The following BANK1 variants were observed in gnomAD, a reference collection of about 807,000 sequenced individuals.
BANK1 encodes the protein B-cell scaffold protein with ankyrin repeats.
In BANK1, 95 loss-of-function variants were observed where a neutral mutation model predicts 94.5. The ratio of observed to expected loss-of-function variants is 1.00; its 90% CI spans 0.85 to 1.19. The LOEUF (loss-of-function observed/expected upper bound fraction) is 1.19. Ranked by LOEUF, BANK1 falls within the 50% of genes most tolerant of loss-of-function variation. The pLI is 0.00. For synonymous variants in BANK1, 334 were observed against 308.4 expected (o/e 1.08, Z -0.87); for missense variants, 987 against 932.2 (o/e 1.06, Z -0.77).
rs13107839 is a variant in BANK1, at chr4:101,957,837, T to C, written c.1206+39648T>C. Among the ~76,000 whole-genome samples the C allele has an allele frequency of 6.4e-3, 607 of 94,648 alleles. 2 individuals are homozygous for C. The highest frequency in any genetic ancestry group is 0.011 in the Non-Finnish European group (397 of 35,834). The allele number at this position is 94,648 out of a possible 152,430, so 62.1% of individuals were successfully genotyped here. On this transcript the variant is annotated intron_variant, in intron 7 of 16. Transcript: ENST00000322953. ...TTGTGTTTTTGTTTTTTGTTTTTTGTTTTTTGCTTTTTTTTTTTTTTTTTT... is the reference window on the plus strand; with the variant it reads ...TTGTGTTTTTGTTTTTTGTTTTTTGCTTTTTGCTTTTTTTTTTTTTTTTTT...
At chr4:102,050,991 T>C (rs1728029372) in intron 11 of BANK1, among the ~76,000 whole-genome samples, 1 of 152,214 alleles carries the variant, frequency 6.6e-6, no homozygotes, top group Non-Finnish European at 1.5e-5. Context: ...CATTATTGGC[T>C]GGTCTTTTGT....
chr4:101,925,691 A>T (rs1486685645), intron 7 of BANK1, among the ~76,000 whole-genome samples: 1 of 151,718 alleles, frequency 6.6e-6, no homozygotes, highest in Admixed American at 6.6e-5. Flanking sequence ...TATGGGGGCT[A>T]AATCGTCTTT....
intron 6 of BANK1, among the ~76,000 whole-genome samples, chr4:101,912,240 C>A (rs1307954114): frequency 1.3e-5 from 2 of 152,044 alleles, no homozygotes; most frequent in Non-Finnish European, 2.9e-5. Flanking sequence ...ATTATTAATC[C>A]ACCCTAAAAA....
At chr4:102,041,434 A>G (rs1019479901) in intron 10 of BANK1, among the ~76,000 whole-genome samples, 1 of 152,006 alleles carries the variant, frequency 6.6e-6, no homozygotes, top group Non-Finnish European at 1.5e-5. Flanking sequence ...ATTTAAAAAT[A>G]CCTCCCCAAC....
rs548730010 is a variant in BANK1, at chr4:102,014,731, G to A, written c.1207-6783G>A. Reference sequence around the variant, plus strand: ...CAGGAAACATTTACAAGGTATTTTCGACTAATTTAGCAGTATTGGTGTTGT... The same window carrying A: ...CAGGAAACATTTACAAGGTATTTTCAACTAATTTAGCAGTATTGGTGTTGT... On this transcript the variant is annotated intron_variant, in intron 7 of 16. Coordinates refer to ENST00000322953, the MANE Select transcript of BANK1 (RefSeq NM_017935.5). 1.2e-4 allele frequency among the ~76,000 whole-genome samples: 18 copies of A among 152,082 alleles called. No individual in the cohort carries two copies. In the South Asian group the frequency reaches 2.1e-3, roughly 18 times the overall value.
At chr4:102,032,662 C>T (rs940383889) in intron 10 of BANK1, among the ~76,000 whole-genome samples, 1 of 152,028 alleles carries the variant, frequency 6.6e-6, no homozygotes, top group South Asian at 2.1e-4. Flanking sequence ...GCAGGTGGAT[C>T]ACCTGAGGTC....
intron 7 of BANK1, among the ~76,000 whole-genome samples, chr4:101,975,000 A>G (rs950368854): frequency 6.6e-6 from 1 of 152,066 alleles, no homozygotes; most frequent in East Asian, 1.9e-4. Context: ...CAGTGTGCTC[A>G]TTGTAACCTA....
chr4:101,882,696 T>A (rs1302206909), intron 5 of BANK1, among the ~76,000 whole-genome samples: 1 of 152,210 alleles, frequency 6.6e-6, no homozygotes, highest in Non-Finnish European at 1.5e-5. Context: ...TCCTTATGTG[T>A]ACAATGAAGA....
chr4:101,791,723 A>G (rs938366210), intron 1 of BANK1, among the ~76,000 whole-genome samples: 1 of 152,196 alleles, frequency 6.6e-6, no homozygotes, highest in Non-Finnish European at 1.5e-5. Flanking sequence ...AAGTTTCTTA[A>G]TTTGCTGAAT....
At chr4:101,877,791 A>G (rs922258546) in intron 5 of BANK1, among the ~76,000 whole-genome samples, 2 of 152,108 alleles carry the variant, frequency 1.3e-5, no homozygotes, top group Non-Finnish European at 2.9e-5. Context: ...AGGCTGAGGC[A>G]GGAGACTTGC....
At position 102,020,559 on chromosome 4, in the gene BANK1, T is replaced by C. The variant is rs1185127620; in HGVS notation, c.1207-955T>C. Among the ~76,000 whole-genome samples the C allele has an allele frequency of 2.0e-5, 3 of 152,132 alleles. No homozygotes were observed. The East Asian group carries it at 5.8e-4, about 29-fold the overall frequency. ...AATTAATGAGTTCCATTGGGCTCTC[T>C]TTGGCCAAAGTGGGTGATAAACTTA... On this transcript the variant is annotated intron_variant, in intron 7 of 16. Transcript: ENST00000322953.
chr4:101,912,064 C>T (rs556215356), intron 6 of BANK1, among the ~76,000 whole-genome samples: 8 of 152,226 alleles, frequency 5.3e-5, no homozygotes, highest in African/African-American at 1.9e-4. Flanking sequence ...TACACACACA[C>T]ACAGAGGAGG....
At chr4:101,826,978 G>A (rs1726389633) in intron 1 of BANK1, among the ~76,000 whole-genome samples, 1 of 151,904 alleles carries the variant, frequency 6.6e-6, no homozygotes, top group Non-Finnish European at 1.5e-5. Flanking sequence ...CACATCAGTG[G>A]TGTAGAAAAT....
chr4:102,005,466 G>T (rs1726229358), intron 7 of BANK1, among the ~76,000 whole-genome samples: 1 of 152,074 alleles, frequency 6.6e-6, no homozygotes, highest in Non-Finnish European at 1.5e-5. Flanking sequence ...AGAAAAGAGA[G>T]ATGTAAACCT....
At chr4:101,933,475 G>A (rs1374392999) in intron 7 of BANK1, among the ~76,000 whole-genome samples, 2 of 151,504 alleles carry the variant, frequency 1.3e-5, no homozygotes, top group Non-Finnish European at 3.0e-5. Context: ...TATGTCTGTA[G>A]CCTAATAAAG....
intron 7 of BANK1, among the ~76,000 whole-genome samples, chr4:102,015,098 G>A (rs1726648811): frequency 6.6e-6 from 1 of 151,774 alleles, no homozygotes; most frequent in Non-Finnish European, 1.5e-5. Context: ...ATAACTATGT[G>A]GCTTTTGTTT....
Position 102,025,184 on chromosome 4 carries a change from A to C in BANK1, c.1286-17A>C. 2 of 1,609,864 alleles carry C rather than the reference A, an allele frequency of 1.2e-6. No individual in the cohort carries two copies. The highest frequency in any genetic ancestry group is 1.7e-6 in the Non-Finnish European group (2 of 1,176,738). ...TGGTGTGTTTAAATGAAATCATGCA[A>C]TCTTCATCATAAACAGCCACACAGA... On this transcript the variant is annotated splice_polypyrimidine_tract_variant and intron_variant, in intron 8 of 16. Coordinates refer to ENST00000322953, the MANE Select transcript of BANK1 (RefSeq NM_017935.5).
In BANK1 at chr4:101,790,850, G is replaced by A. The variant is rs769756615; in HGVS notation, c.-31G>A. 1.3e-6 allele frequency: 2 copies of A among 1,535,698 alleles called. No homozygotes were observed. The highest frequency in any genetic ancestry group is 1.2e-5 in the South Asian group (1 of 83,988). On this transcript the variant is annotated 5_prime_UTR_variant, in exon 1 of 17. It adds an upstream start codon to the 5' untranslated region. Transcript: ENST00000322953. The stretch of plus-strand genomic sequence containing the variant: ...TCCAGGTAGCGCTCGGCGGGCAGCA[G>A]TGCGCAGGCCCCTCGGCTTCAACCG...
chr4:102,048,902 A>T (rs892956072), intron 11 of BANK1, among the ~76,000 whole-genome samples: 15 of 152,342 alleles, frequency 9.8e-5, no homozygotes, highest in African/African-American at 3.4e-4. Context: ...TTTTGAAAAA[A>T]TGTAAGGAAA....
Sources: gnomAD v4.1 joint callset for allele counts (sites outside exome capture counted in the v4.1 genomes callset) on GRCh38, gnomAD v4.1.1 for gene constraint, MANE v1.5 for transcripts, NCBI Gene and HGNC (gene_info 2026-07-23, HGNC 2026-07-21) for gene names.